PCNX1: variants seen among roughly 807,000 people sequenced by gnomAD.
The protein encoded by PCNX1 is pecanex-like protein 1.
Under a neutral mutation model 242.2 loss-of-function variants are expected in PCNX1, and 78 were observed. The ratio of observed to expected loss-of-function variants is 0.32; its 90% CI spans 0.27 to 0.39. PCNX1 has a LOEUF of 0.39. Ranked by LOEUF, PCNX1 falls within the 10% of genes least tolerant of loss-of-function variation. The pLI is 1.00. For synonymous variants in PCNX1, 1,024 were observed against 1,032.9 expected (o/e 0.99, Z 0.17); for missense variants, 2,581 against 2,856.5 (o/e 0.90, Z 2.20).
intron 11 of PCNX1, among the ~76,000 whole-genome samples, chr14:71,013,562 G>GTTATTTTTTTTTTTTTTTT: frequency 6.9e-6 from 1 of 145,684 alleles, no homozygotes; most frequent in African/African-American, 2.5e-5. Context: ...TGTTTCCCTG[G>GTTATTTTTTTTTTTTTTTT]TTCTTAACAC....
At chr14:71,015,409 A>G (rs985913691) in intron 11 of PCNX1, among the ~76,000 whole-genome samples, 1 of 152,232 alleles carries the variant, frequency 6.6e-6, no homozygotes, top group African/African-American at 2.4e-5. Flanking sequence ...ATTTATGATA[A>G]TAGCATAAAG....
In PCNX1 at chr14:70,977,431, A is replaced by AT; in HGVS notation, c.1094_1095insT (p.Glu365AspfsTer15). 6.2e-7 allele frequency: 1 copy of AT among 1,614,114 alleles called. No individual in the cohort carries two copies. The highest frequency in any genetic ancestry group is 8.5e-7 in the Non-Finnish European group (1 of 1,180,024). ...GGGAAGAGCAAACCTTTGAAAGCAG[A>AT]GAAAAGCATGGACAGCTTGAGGAGC... On this transcript the variant is annotated frameshift_variant, in exon 6 of 36. Transcript: ENST00000304743. LOFTEE classifies it high-confidence loss of function.
At chr14:71,074,364 C>T (rs966689535) in intron 27 of PCNX1, among the ~76,000 whole-genome samples, 2 of 152,222 alleles carry the variant, frequency 1.3e-5, no homozygotes, top group African/African-American at 4.8e-5. Flanking sequence ...CAAGACCACT[C>T]ATAGGGTAAG....
chr14:71,109,688 A>C, intron 35 of PCNX1, 96 bp downstream of exon 35: 5 of 1,572,374 alleles, frequency 3.2e-6, no homozygotes, highest in Non-Finnish European at 4.4e-6. Flanking sequence ...ACTTAAACGT[A>C]TAATTTTCAG....
At chr14:71,025,363 A>G (rs1276046290) in intron 13 of PCNX1, among the ~76,000 whole-genome samples, 1 of 152,086 alleles carries the variant, frequency 6.6e-6, no homozygotes, top group Non-Finnish European at 1.5e-5. Context: ...TCACAACAAT[A>G]TGTTCCAGGG....
intron 1 of PCNX1, among the ~76,000 whole-genome samples, chr14:70,909,370 T>A (rs1485565203): frequency 6.6e-6 from 1 of 152,226 alleles, no homozygotes; most frequent in Non-Finnish European, 1.5e-5. Flanking sequence ...TGAAGTATTA[T>A]AATTTTCAAT....
chr14:70,997,881 C>T (rs564317815), intron 8 of PCNX1, among the ~76,000 whole-genome samples: 21 of 152,200 alleles, frequency 1.4e-4, no homozygotes, highest in African/African-American at 4.8e-4. Context: ...AATGAAAATA[C>T]GTGAATGAAT....
chr14:71,087,707 T>A (rs1474700222), intron 28 of PCNX1, among the ~76,000 whole-genome samples: 1 of 152,200 alleles, frequency 6.6e-6, no homozygotes, highest in Non-Finnish European at 1.5e-5. Context: ...GTAACTGAGA[T>A]GCTACCAAGA....
At chr14:70,932,669 A>G (rs747578449) in intron 1 of PCNX1, among the ~76,000 whole-genome samples, 8 of 151,668 alleles carry the variant, frequency 5.3e-5, no homozygotes, top group East Asian at 1.9e-4. Context: ...CTGGAATGCA[A>G]TGGTGCAATC....
intron 28 of PCNX1, among the ~76,000 whole-genome samples, chr14:71,081,277 C>G (rs897507805): frequency 6.6e-6 from 1 of 152,150 alleles, no homozygotes; most frequent in African/African-American, 2.4e-5. Context: ...CTGCCAGTAT[C>G]TTATTGAGGA....
At chr14:71,098,595 G>C (rs1358466675) in intron 30 of PCNX1, among the ~76,000 whole-genome samples, 1 of 148,808 alleles carries the variant, frequency 6.7e-6, no homozygotes, top group East Asian at 2.1e-4. Flanking sequence ...TTGCATTATT[G>C]ATTTGGTTTT....
chr14:71,057,676 A>C lies in PCNX1; in HGVS notation c.4804A>C (p.Ile1602Leu). Residue 1602 changes from isoleucine to leucine, a missense_variant, in exon 26 of 36, where the codon ATA (isoleucine) becomes CTA (leucine). Transcript: ENST00000304743. Reference protein sequence around the residue: ...YLNALVHLIEIGNGLVTFQLR... With the variant: ...YLNALVHLIELGNGLVTFQLR... ...CAATGCATTAGTACACCTTATAGAG[A>C]TAGGCAATGGTCTGGTCACTTTTCA... 1 of 1,613,980 alleles carries C rather than the reference A, an allele frequency of 6.2e-7. No individual in the cohort carries two copies. Among genetic ancestry groups the C allele is most frequent in the Non-Finnish European group, 8.5e-7 (1 of 1,179,908 alleles).
chr14:70,918,396 G>A (rs2526871), intron 1 of PCNX1, among the ~76,000 whole-genome samples: 73,745 of 151,980 alleles, frequency 0.49, 18,458 homozygotes, highest in Non-Finnish European at 0.55. Flanking sequence ...AAGGTTGATG[G>A]TACTCCCATC....
intron 3 of PCNX1, 84 bp downstream of exon 3, chr14:70,962,415 A>T: frequency 2.8e-6 from 2 of 712,756 alleles, no homozygotes; most frequent in Non-Finnish European, 5.1e-6. Context: ...AAGTCGGCTG[A>T]TGTTTTGTCA....
intron 7 of PCNX1, among the ~76,000 whole-genome samples, chr14:70,989,721 G>GT (rs915688614): frequency 1.8e-4 from 27 of 151,788 alleles, no homozygotes; most frequent in Middle Eastern, 6.8e-3. Flanking sequence ...TAGAGACAGG[G>GT]TTTTTTTGCC....
chr14:71,049,352 T>C (rs1329493893), intron 22 of PCNX1, among the ~76,000 whole-genome samples: 1 of 152,180 alleles, frequency 6.6e-6, no homozygotes, highest in East Asian at 1.9e-4. Context: ...AATTTAACAA[T>C]GATAATCAGT....
At chr14:70,987,534 T>A (rs1471657034) in intron 6 of PCNX1, among the ~76,000 whole-genome samples, 1 of 152,238 alleles carries the variant, frequency 6.6e-6, no homozygotes, top group African/African-American at 2.4e-5. Context: ...AAAGGAAGTT[T>A]CATGTTTGGA....
At chr14:70,929,536 TATAACTTAATA>T (rs1490499454) in intron 1 of PCNX1, among the ~76,000 whole-genome samples, 1 of 152,234 alleles carries the variant, frequency 6.6e-6, no homozygotes, top group Non-Finnish European at 1.5e-5. Context: ...TTACTAGGGT[TATAACTTAATA>T]ATTTGCAAGT....
At chr14:70,931,227 A>G (rs1343418606) in intron 1 of PCNX1, among the ~76,000 whole-genome samples, 1 of 152,198 alleles carries the variant, frequency 6.6e-6, no homozygotes, top group Non-Finnish European at 1.5e-5. Context: ...TTTTTCTATC[A>G]TTGTGAGTAA....
Sources: gnomAD v4.1 joint callset for allele counts (sites outside exome capture counted in the v4.1 genomes callset) on GRCh38, gnomAD v4.1.1 for gene constraint, MANE v1.5 for transcripts, NCBI Gene and HGNC (gene_info 2026-07-23, HGNC 2026-07-21) for gene names.